SRBD1: variants seen among roughly 807,000 people sequenced by gnomAD.
SRBD1 encodes S1 RNA-binding domain-containing protein 1.
Under a neutral mutation model 115.3 loss-of-function variants are expected in SRBD1, and 88 were observed. The ratio of observed to expected loss-of-function variants is 0.76; its 90% CI spans 0.64 to 0.91. The LOEUF (loss-of-function observed/expected upper bound fraction) is 0.91, where lower values mean the gene tolerates loss of function less well. Among genes scored for constraint, SRBD1 ranks in the 40% least tolerant of loss-of-function variants. SRBD1 has a pLI of 0.00. For synonymous variants in SRBD1, 509 were observed against 407.7 expected, an observed-to-expected ratio of 1.25 and a Z score of -2.99; for missense variants, 1,385 against 1,177.4, an observed-to-expected ratio of 1.18 and a Z score of -2.58.
At chr2:45,399,469 A>G (rs1667235394) in intron 19 of SRBD1, among the ~76,000 whole-genome samples, 2 of 152,144 alleles carry the variant, frequency 1.3e-5, no homozygotes, top group African/African-American at 4.8e-5. Context: ...TCATTTAATT[A>G]TCTCAAATAT....
chr2:45,555,220 T>C (rs753051360), intron 10 of SRBD1, among the ~76,000 whole-genome samples: 1 of 152,150 alleles, frequency 6.6e-6, no homozygotes, highest in Non-Finnish European at 1.5e-5. Context: ...ACCTTGTCTC[T>C]ACAAAAAATA....
At chr2:45,471,095 G>C (rs1448496246) in intron 16 of SRBD1, among the ~76,000 whole-genome samples, 3 of 151,994 alleles carry the variant, frequency 2.0e-5, no homozygotes, top group Non-Finnish European at 4.4e-5. Context: ...GCACTTAGAA[G>C]TCCAGACTAA....
At chr2:45,474,752 C>T (rs1239023704) in intron 16 of SRBD1, among the ~76,000 whole-genome samples, 6 of 152,098 alleles carry the variant, frequency 3.9e-5, no homozygotes, top group African/African-American at 1.4e-4. Context: ...GTGTGATTCC[C>T]CATGCTTAGT....
intron 16 of SRBD1, among the ~76,000 whole-genome samples, chr2:45,443,317 AG>A (rs566308275): frequency 2.4e-4 from 37 of 152,300 alleles, no homozygotes; most frequent in African/African-American, 8.7e-4. Context: ...ATGAAGCAAA[AG>A]GAAGAATAAA....
At chr2:45,539,564 G>A (rs1220897955) in intron 14 of SRBD1, among the ~76,000 whole-genome samples, 2 of 152,146 alleles carry the variant, frequency 1.3e-5, no homozygotes, top group African/African-American at 2.4e-5. Flanking sequence ...ACTCAGTCAC[G>A]GGCTGATGTA....
At chr2:45,424,144 A>G (rs1668085035) in intron 16 of SRBD1, among the ~76,000 whole-genome samples, 1 of 152,040 alleles carries the variant, frequency 6.6e-6, no homozygotes. Context: ...CAAATCATCA[A>G]TTTTCTCAAT....
At chr2:45,490,265 G>A (rs1030685211) in intron 14 of SRBD1, among the ~76,000 whole-genome samples, 14 of 152,054 alleles carry the variant, frequency 9.2e-5, no homozygotes, top group African/African-American at 3.4e-4. Flanking sequence ...CCTAACCAGG[G>A]GCCCTTGGAC....
chr2:45,401,336 G>C (rs1667287151), intron 19 of SRBD1, among the ~76,000 whole-genome samples: 1 of 152,092 alleles, frequency 6.6e-6, no homozygotes, highest in African/African-American at 2.4e-5. Context: ...TTATATTTTA[G>C]GTTTGGCCTC....
At chr2:45,395,596 A>T (rs764321289) in intron 19 of SRBD1, among the ~76,000 whole-genome samples, 2 of 152,194 alleles carry the variant, frequency 1.3e-5, no homozygotes. Context: ...AATGCTTCAT[A>T]TTGATCAACC....
intron 9 of SRBD1, among the ~76,000 whole-genome samples, chr2:45,566,115 A>G (rs1238402321): frequency 6.6e-6 from 1 of 152,246 alleles, no homozygotes; most frequent in Non-Finnish European, 1.5e-5. Context: ...GCTGGTGAGA[A>G]TGTAAAAATG....
rs1394521057 is a variant in SRBD1 at position 45,419,908 on chromosome 2, G to T, written c.2050-14C>A. The T allele has an allele frequency of 1.2e-6, 2 of 1,602,760 alleles. No individual in the cohort carries two copies. The highest frequency in any genetic ancestry group is 4.5e-5 in the East Asian group (2 of 44,822). ...GGATACGTCATGCTGAAAAGACAAAGATCAAATATTAACAGTGAAGGAGAT... is the reference window on the plus strand; with the variant it reads ...GGATACGTCATGCTGAAAAGACAAATATCAAATATTAACAGTGAAGGAGAT... On this transcript the variant is annotated splice_polypyrimidine_tract_variant and intron_variant, in intron 16 of 20. Coordinates refer to ENST00000263736, the MANE Select transcript of SRBD1 (RefSeq NM_018079.5).
intron 19 of SRBD1, among the ~76,000 whole-genome samples, chr2:45,400,140 TG>T (rs1433723301): frequency 3.9e-5 from 6 of 152,190 alleles, no homozygotes; most frequent in African/African-American, 1.4e-4. Context: ...GTCCTCTGAA[TG>T]GGCAAAAACG....
chr2:45,541,016 T>C (rs1379550301), intron 14 of SRBD1, among the ~76,000 whole-genome samples: 1 of 152,220 alleles, frequency 6.6e-6, no homozygotes, highest in Non-Finnish European at 1.5e-5. Flanking sequence ...CTCGTTCCAC[T>C]CACTCAAGCT....
At position 45,390,905 on chromosome 2, in the gene SRBD1, A is replaced by T. The variant is rs566473144; in HGVS notation, c.2699-1306T>A. ...AATTGATTCTGTGGAATTTTACCTG[A>T]TGCTAAAGCAGTGAATTCCAAAAGC... On this transcript the variant is annotated intron_variant, in intron 20 of 20. Transcript: ENST00000263736. Among the ~76,000 whole-genome samples the T allele has an allele frequency of 1.1e-4, 17 of 152,358 alleles. No homozygotes were observed. The South Asian group carries it at 3.3e-3, about 30-fold the overall frequency.
chr2:45,419,546 C>T (rs555523964), intron 17 of SRBD1, among the ~76,000 whole-genome samples: 42 of 152,338 alleles, frequency 2.8e-4, no homozygotes, highest in African/African-American at 9.9e-4. Context: ...AACACTAATA[C>T]ACTCAATGGT....
rs1290918351 is a variant in SRBD1 at position 45,399,825 on chromosome 2, ACT to A, written c.2514-6698_2514-6697del. On this transcript the variant is annotated intron_variant, in intron 19 of 20. Coordinates refer to ENST00000263736, the MANE Select transcript of SRBD1 (RefSeq NM_018079.5). ...TACAGACTCTCTACAGCTCAAAAAC[ACT>A]GTGTTTAGAATTAATATAATTTAAT... 2.0e-5 allele frequency among the ~76,000 whole-genome samples: 3 copies of A among 152,176 alleles called. No homozygotes were observed. In the South Asian group the frequency reaches 6.2e-4, roughly 32 times the overall value.
At chr2:45,488,514 GT>G (rs1297306533) in intron 14 of SRBD1, among the ~76,000 whole-genome samples, 183 bp from the exon 15 acceptor site, 1 of 151,872 alleles carries the variant, frequency 6.6e-6, no homozygotes, top group Non-Finnish European at 1.5e-5. Flanking sequence ...TGCAGTGTTT[GT>G]TTTTTTCACA....
intron 1 of SRBD1, among the ~76,000 whole-genome samples, chr2:45,607,868 G>C (rs1438431506): frequency 1.3e-5 from 2 of 152,174 alleles, no homozygotes; most frequent in African/African-American, 4.8e-5. Flanking sequence ...GAGAACCCTA[G>C]TCTTCCGCCA....
intron 6 of SRBD1, among the ~76,000 whole-genome samples, chr2:45,580,701 T>A (rs1385752038): frequency 8.6e-5 from 12 of 139,030 alleles, no homozygotes; most frequent in Non-Finnish European, 1.7e-4. Flanking sequence ...TTTTTTTTTT[T>A]TTGAGATGGA....
Sources: gnomAD v4.1 joint callset for allele counts (sites outside exome capture counted in the v4.1 genomes callset) on GRCh38, gnomAD v4.1.1 for gene constraint, MANE v1.5 for transcripts, NCBI Gene and HGNC (gene_info 2026-07-23, HGNC 2026-07-21) for gene names.